Variants in KIF21A observed in about 807,000 individuals in gnomAD.
The protein encoded by KIF21A is kinesin family member 21A.
In KIF21A, 114 loss-of-function variants were observed where a neutral mutation model predicts 202.9. The observed-to-expected ratio is 0.56, with a 90% CI of 0.48 to 0.66. KIF21A has a LOEUF of 0.66. Ranked by LOEUF, KIF21A falls within the 30% of genes least tolerant of loss-of-function variation. KIF21A has a pLI of 0.00. For missense variants in KIF21A, 1,677 were observed against 1,994.9 expected (o/e 0.84, Z 3.04); for synonymous variants, 667 against 670.8 (o/e 0.99, Z 0.09).
chr12:39,307,150 T>C (rs1015464883), intron 34 of KIF21A, among the ~76,000 whole-genome samples: 2 of 152,150 alleles, frequency 1.3e-5, no homozygotes, highest in Non-Finnish European at 2.9e-5. Flanking sequence ...CTGAGGACTT[T>C]ATGCCCAAAG....
chr12:39,337,752 C>T (rs935545359), intron 16 of KIF21A, among the ~76,000 whole-genome samples: 1 of 152,170 alleles, frequency 6.6e-6, no homozygotes, highest in Non-Finnish European at 1.5e-5. Context: ...ATGAACCACA[C>T]TTAAGACAGT....
intron 26 of KIF21A, among the ~76,000 whole-genome samples, chr12:39,323,458 G>A (rs1334847740): frequency 1.3e-5 from 2 of 151,980 alleles, no homozygotes; most frequent in African/African-American, 2.4e-5. Flanking sequence ...ATTATTGTAA[G>A]CCTCTTCCCA....
At chr12:39,384,590 TC>T (rs1264302421) in intron 1 of KIF21A, among the ~76,000 whole-genome samples, 2 of 152,174 alleles carry the variant, frequency 1.3e-5, no homozygotes, top group East Asian at 1.9e-4. Flanking sequence ...GGGCTTTTTT[TC>T]CCCCTTAAGC....
At position 39,332,989 on chromosome 12, in the gene KIF21A, A is replaced by C; in HGVS notation, c.2606T>G (p.Val869Gly). 1 of 1,614,134 alleles carries C rather than the reference A, an allele frequency of 6.2e-7. No individual in the cohort carries two copies. Among genetic ancestry groups the C allele is most frequent in the Non-Finnish European group, 8.5e-7 (1 of 1,180,018 alleles). Residue 869 changes from valine to glycine, a missense_variant, in exon 19 of 38, where the codon GTC becomes GGC. This residue lies in a region of KIF21A where 966 missense variants were observed against 1,180.9 expected (regional missense o/e 0.82). Coordinates refer to ENST00000361418, the MANE Select transcript of KIF21A (RefSeq NM_001173464.2). Reference protein sequence around the residue: ...AQDTGSSAAAVETDASRTGAQ... With the variant: ...AQDTGSSAAAGETDASRTGAQ... Reference sequence around the variant, plus strand: ...TCCTGTCCTTGATGCATCTGTTTCGACAGCAGCTGCACTGGAACCTGTGTC... The same window carrying C: ...TCCTGTCCTTGATGCATCTGTTTCGCCAGCAGCTGCACTGGAACCTGTGTC...
Position 39,337,127 on chromosome 12 carries a change from G to A in KIF21A, c.2387C>T (p.Ala796Val). 1 of 1,610,396 alleles carries A rather than the reference G, an allele frequency of 6.2e-7. No individual in the cohort carries two copies. Among genetic ancestry groups the A allele is most frequent in the South Asian group, 1.1e-5 (1 of 91,024 alleles). Reference protein sequence around the residue: ...LTESRRNREIAQLKKDQRKRD... With the variant: ...LTESRRNREIVQLKKDQRKRD... ...TTTACGTTGATCCTTTTTCAACTGA[G>A]CAATCTCTCTGTTTCTTCTAGACTC... The change falls in exon 17 of 38, where the codon GCT becomes GTT. Residue 796 changes from alanine to valine, a missense_variant. By Grantham distance (64) the Ala-to-Val change is moderately conservative. Transcript: ENST00000361418.
intron 16 of KIF21A, chr12:39,337,551 A>G (rs897042615): frequency 2.1e-5 from 5 of 243,826 alleles, no homozygotes; most frequent in South Asian, 5.4e-5. Context: ...AATGGAAATA[A>G]TATTTCCACA....
At position 39,332,756 on chromosome 12, in the gene KIF21A, T is replaced by C. The variant is rs753188369; in HGVS notation, c.2703-12A>G. On this transcript the variant is annotated splice_polypyrimidine_tract_variant and intron_variant, in intron 19 of 37. Transcript: ENST00000361418. ...TCTGATATTTTTTCCTATAATCATA[T>C]AAAACAGACAAGCTCAATTACTTAT... The C allele has an allele frequency of 1.9e-6, 3 of 1,613,872 alleles. No individual in the cohort carries two copies. Among genetic ancestry groups the C allele is most frequent in the African/African-American group, 1.3e-5 (1 of 75,018 alleles).
intron 1 of KIF21A, among the ~76,000 whole-genome samples, chr12:39,381,171 G>T (rs1054450336): frequency 6.6e-6 from 1 of 151,898 alleles, no homozygotes; most frequent in Non-Finnish European, 1.5e-5. Context: ...AGCTGGGCGT[G>T]GTGGCGGGCG....
chr12:39,338,272 T>C (rs11171778), intron 16 of KIF21A, among the ~76,000 whole-genome samples: 3,480 of 152,222 alleles, frequency 0.023, 60 homozygotes, highest in Non-Finnish European at 0.037. Flanking sequence ...AAACTTAAAA[T>C]AGATAAAAGC....
At chr12:39,321,784 T>C (rs1267551945) in intron 27 of KIF21A, 1 of 152,202 alleles carries the variant, frequency 6.6e-6, no homozygotes, top group African/African-American at 2.4e-5. Flanking sequence ...GGGGGCAATA[T>C]TCCTCAGTGC....
chr12:39,332,445 T>C, intron 20 of KIF21A, 37 bp from the exon 21 acceptor site: 1 of 1,602,174 alleles, frequency 6.2e-7, no homozygotes, highest in Non-Finnish European at 8.6e-7. Context: ...AGAAATTATG[T>C]TCACTTATTT....
chr12:39,330,829 T>C lies in KIF21A; in HGVS notation c.3236A>G (p.Gln1079Arg), dbSNP rs780924477. The change falls in exon 23 of 38, where the codon CAA becomes CGA. Residue 1079 changes from glutamine (Q) to arginine (R), a missense_variant. Physicochemically the swap from Gln to Arg is conservative, Grantham distance 43. Coordinates refer to ENST00000361418, the MANE Select transcript of KIF21A (RefSeq NM_001173464.2). Reference sequence around the variant, plus strand: ...CAACATATGGAATAAGAGCTGGTTTTGGGTAGCACTGGTTATTTCTGTTTG... The same window carrying C: ...CAACATATGGAATAAGAGCTGGTTTCGGGTAGCACTGGTTATTTCTGTTTG... ...LKQTEITSAT[Q>R]NQLLFHMLKE... 6.2e-7 allele frequency: 1 copy of C among 1,613,996 alleles called. No homozygotes were observed. Among genetic ancestry groups the C allele is most frequent in the South Asian group, 1.1e-5 (1 of 91,070 alleles).
intron 1 of KIF21A, among the ~76,000 whole-genome samples, chr12:39,387,161 T>TACACACACACACACACACAC (rs3036323): frequency 1.2e-4 from 17 of 138,160 alleles, no homozygotes; most frequent in Admixed American, 1.2e-3. Context: ...ATGCAGTAGT[T>TACACACACACACACACACAC]ACACACACAC....
intron 34 of KIF21A, among the ~76,000 whole-genome samples, chr12:39,307,044 C>A (rs922827409): frequency 1.3e-5 from 2 of 152,052 alleles, no homozygotes; most frequent in Non-Finnish European, 2.9e-5. Context: ...AGATGTAATG[C>A]CTTAAATTTT....
chr12:39,320,935 A>G (rs1256624748), intron 27 of KIF21A, among the ~76,000 whole-genome samples: 1 of 148,440 alleles, frequency 6.7e-6, no homozygotes, highest in Admixed American at 6.7e-5. Context: ...ACTCTGCCAA[A>G]AAAAAAAAAA....
chr12:39,295,692 G>GTTTTT (rs1054983568), intron 37 of KIF21A, among the ~76,000 whole-genome samples: 9 of 78,086 alleles, frequency 1.2e-4, no homozygotes, highest in Non-Finnish European at 1.7e-4. Flanking sequence ...CTTGGGATAT[G>GTTTTT]TTTTTTTTTT....
At chr12:39,331,257 T>A (rs1363468653) in intron 22 of KIF21A, among the ~76,000 whole-genome samples, 1 of 152,194 alleles carries the variant, frequency 6.6e-6, no homozygotes, top group Admixed American at 6.5e-5. Flanking sequence ...CTTCAACATT[T>A]GGGCACGGTT....
At chr12:39,404,758 C>A (rs1323182305) in intron 1 of KIF21A, among the ~76,000 whole-genome samples, 2 of 151,850 alleles carry the variant, frequency 1.3e-5, no homozygotes, top group African/African-American at 2.4e-5. Context: ...CTAACATGTT[C>A]CAAAACAGAA....
At chr12:39,344,798 A>G (rs904189959) in intron 12 of KIF21A, among the ~76,000 whole-genome samples, 1 of 152,190 alleles carries the variant, frequency 6.6e-6, no homozygotes, top group African/African-American at 2.4e-5. Context: ...TTGATATCTA[A>G]AATAAGTATC....
Sources: gnomAD v4.1 joint callset for allele counts (sites outside exome capture counted in the v4.1 genomes callset) on GRCh38, gnomAD v4.1.1 for gene constraint, gnomAD v4.1.1 regional missense constraint, MANE v1.5 for transcripts, NCBI Gene and HGNC (gene_info 2026-07-23, HGNC 2026-07-21) for gene names.